CAD: variants seen among roughly 807,000 people sequenced by gnomAD.
CAD encodes carbamoyl-phosphate synthetase 2, aspartate transcarbamylase, and dihydroorotase.
CAD carries 81 observed loss-of-function variants against 237.2 expected under a neutral mutation model. That is an observed-to-expected ratio of 0.34 (90% confidence interval 0.29 to 0.41). The LOEUF (loss-of-function observed/expected upper bound fraction) is 0.41, where lower values mean the gene tolerates loss of function less well. Ranked by LOEUF, CAD falls within the 10% of genes least tolerant of loss-of-function variation. CAD has a pLI of 1.00. For missense variants in CAD, 2,181 were observed against 2,951.7 expected (o/e 0.74, Z 6.05); for synonymous variants, 1,196 against 1,162.8 (o/e 1.03, Z -0.58).
rs946717782 is a variant in CAD at position 27,236,150 on chromosome 2, G to A, written c.4075-134G>A. On this transcript the variant is annotated intron_variant, in intron 25 of 43. Coordinates refer to ENST00000264705, the MANE Select transcript of CAD (RefSeq NM_004341.5). This position sits in a 1 kb window ranked among gnomAD's most constrained non-coding sequence, Gnocchi z 4.1. ...TACACTTTGCCAGTATCAAATAGAG[G>A]CAGCCCTCAGTGCCCACCCTATGGG... The A allele has an allele frequency of 3.6e-6, 4 of 1,120,608 alleles. No individual in the cohort carries two copies. In the East Asian group the frequency reaches 7.3e-5, roughly 20 times the overall value. 69.4% of individuals were successfully genotyped at this position (1,120,608 alleles called of 1,614,324 possible). A position where few individuals can be genotyped will look rare whatever the true frequency, so the allele number is the denominator to read the frequency against.
At chr2:27,223,501 G>A (rs907700901) in intron 6 of CAD, 62 bp from the exon 7 acceptor site, 50 of 1,446,416 alleles carry the variant, frequency 3.5e-5, no homozygotes, top group Non-Finnish European at 4.6e-5. Context: ...GAGAGCTGGG[G>A]TAGGTTCAGT....
At position 27,237,813 on chromosome 2, in the gene CAD, C is replaced by T. The variant is rs759872999; in HGVS notation, c.4659C>T (p.Ala1553=). Reference sequence around the variant, plus strand: ...TGGGCACCGTGGCCGGGTCTGCAGCCGGGCTGAAGCTTTACCTCAATGAGA... The same window carrying T: ...TGGGCACCGTGGCCGGGTCTGCAGCTGGGCTGAAGCTTTACCTCAATGAGA... ...GTLGTVAGSA[A]GLKLYLNETF... The change falls in exon 29 of 44, where the codon GCC becomes GCT. Residue 1553 remains alanine (A), a synonymous_variant. Transcript: ENST00000264705. The surrounding 1 kb of genome is among the most constrained non-coding windows in gnomAD (Gnocchi z 4.0). 1.7e-5 allele frequency: 28 copies of T among 1,614,102 alleles called. No individual in the cohort carries two copies. Among genetic ancestry groups the T allele is most frequent in the South Asian group, 4.4e-5 (4 of 91,080 alleles).
Position 27,241,534 on chromosome 2 carries a change from C to A in CAD, c.5883+138C>A. ...CTTATGCTAGTCCATCCCTCTGCTG[C>A]TGTAGATCTTCCCCCACGTTTTCCC... On this transcript the variant is annotated intron_variant, in intron 38 of 43. Coordinates refer to ENST00000264705, the MANE Select transcript of CAD (RefSeq NM_004341.5). The surrounding 1 kb of genome is among the most constrained non-coding windows in gnomAD (Gnocchi z 4.6). 1.2e-6 allele frequency: 1 copy of A among 838,864 alleles called. No individual in the cohort carries two copies. Among genetic ancestry groups the A allele is most frequent in the Non-Finnish European group, 1.9e-6 (1 of 515,674 alleles). The allele number at this position is 838,864 out of a possible 1,614,324, so 52.0% of individuals were successfully genotyped here. A position where few individuals can be genotyped will look rare whatever the true frequency, so the allele number is the denominator to read the frequency against.
At position 27,239,724 on chromosome 2, in the gene CAD, G is replaced by C. The variant is rs1378731205; in HGVS notation, c.5422G>C (p.Asp1808His). The change falls in exon 34 of 44, where the codon GAT (aspartate) becomes CAT (histidine). Residue 1808 changes from aspartate (D) to histidine (H), a missense_variant. Around this residue, in one of 12 missense-constraint regions of CAD, gnomAD observed 478 missense variants for 515.0 expected, o/e 0.93. Coordinates refer to ENST00000264705, the MANE Select transcript of CAD (RefSeq NM_004341.5). The surrounding 1 kb of genome is among the most constrained non-coding windows in gnomAD (Gnocchi z 4.0). ...TCTGGTACCCCCGGGCTATGGACAGGATGTACGGAAGTGGCCACAGGGGGC... is the reference window on the plus strand; with the variant it reads ...TCTGGTACCCCCGGGCTATGGACAGCATGTACGGAAGTGGCCACAGGGGGC... ...QVLVPPGYGQ[D>H]VRKWPQGAVP... The C allele has an allele frequency of 6.3e-7, 1 of 1,594,542 alleles. No homozygotes were observed. The highest frequency in any genetic ancestry group is 1.1e-5 in the South Asian group (1 of 88,322).
chr2:27,238,652 A>G lies in CAD; in HGVS notation c.5062+20A>G, dbSNP rs1467700022. 2 of 1,594,050 alleles carry G rather than the reference A, an allele frequency of 1.3e-6. No individual in the cohort carries two copies. Among genetic ancestry groups the G allele is most frequent in the Non-Finnish European group, 1.7e-6 (2 of 1,169,014 alleles). On this transcript the variant is annotated intron_variant, in intron 31 of 43. Transcript: ENST00000264705. Reference sequence around the variant, plus strand: ...ACCATGGTGAGAGAATCCAGCATGTACCTCCTCTGCCCAGTGGGGCTTGTG... The same window carrying G: ...ACCATGGTGAGAGAATCCAGCATGTGCCTCCTCTGCCCAGTGGGGCTTGTG...
chr2:27,241,453 A>T lies in CAD; in HGVS notation c.5883+57A>T. The T allele has an allele frequency of 1.3e-6, 2 of 1,554,862 alleles. No homozygotes were observed. The highest frequency in any genetic ancestry group is 1.1e-5 in the South Asian group (1 of 89,852). ...CCATCGCCTGCCCTTGGGCCGCATC[A>T]GCGCAGGGCCGCGCAGTGGTCAGAG... On this transcript the variant is annotated intron_variant, in intron 38 of 43. Transcript: ENST00000264705. This position sits in a 1 kb window ranked among gnomAD's most constrained non-coding sequence, Gnocchi z 4.6.
chr2:27,241,927 C>T lies in CAD; in HGVS notation c.5900C>T (p.Ser1967Phe). 6.2e-7 allele frequency: 1 copy of T among 1,613,308 alleles called. No homozygotes were observed. Among genetic ancestry groups the T allele is most frequent in the Non-Finnish European group, 8.5e-7 (1 of 1,179,626 alleles). ...TTTCCCTAGGGGAAGGTCATGGCCT[C>T]CATGTTCTATGAAGTGAGCACACGG... ...LDILKGKVMA[S>F]MFYEVSTRTS... The change falls in exon 39 of 44, where the codon TCC becomes TTC. Residue 1967 changes from serine (S) to phenylalanine (F), a missense_variant. Physicochemically the swap from Ser to Phe is radical, Grantham distance 155. Around this residue, in one of 12 missense-constraint regions of CAD, gnomAD observed 203 missense variants for 284.5 expected, o/e 0.71. Transcript: ENST00000264705. This position sits in a 1 kb window ranked among gnomAD's most constrained non-coding sequence, Gnocchi z 4.6.
Position 27,217,968 on chromosome 2 carries a change from C to T in CAD, c.174C>T (p.Gly58=). ...TAGTGCTCACCTATCCTCTGATCGG[C>T]AACTATGGCATCCCCCCAGATGAAA... is the stretch of plus-strand genomic sequence containing the variant. The part of the protein sequence containing the change: ...QILVLTYPLI[G]NYGIPPDEMD... Residue 58 remains glycine (G), a synonymous_variant, in exon 2 of 44, where the codon GGC becomes GGT. Coordinates refer to ENST00000264705, the MANE Select transcript of CAD (RefSeq NM_004341.5). 1.2e-6 allele frequency: 2 copies of T among 1,612,708 alleles called. No individual in the cohort carries two copies. The highest frequency in any genetic ancestry group is 8.5e-7 in the Non-Finnish European group (1 of 1,179,200).
chr2:27,224,916 CA>C (rs777131756), intron 10 of CAD, 40 bp downstream of exon 10: 1 of 1,613,328 alleles, frequency 6.2e-7, no homozygotes, highest in Non-Finnish European at 8.5e-7. Context: ...GAGGACTGGG[CA>C]GGGGGGCCCA....
At chr2:27,234,890 A>G (rs928039142) in intron 23 of CAD, among the ~76,000 whole-genome samples, 5 of 152,194 alleles carry the variant, frequency 3.3e-5, no homozygotes, top group African/African-American at 1.2e-4. Context: ...AAGCTTTGGT[A>G]TAGAACAGTC....
Position 27,231,575 on chromosome 2 carries a change from G to A in CAD, c.2395G>A (p.Asp799Asn), listed in dbSNP as rs1442684373. The A allele has an allele frequency of 5.6e-6, 9 of 1,599,798 alleles. No individual in the cohort carries two copies. The highest frequency in any genetic ancestry group is 3.3e-5 in the Admixed American group (2 of 59,970). ...GFDHTVKPVS[D>N]MELETPTDKR... ...TGATCACACAGTGAAACCAGTCAGC[G>A]ATATGGTAAGTAGCTCCCCTCCCCT... The change falls in exon 16 of 44, where the codon GAT (aspartate) becomes AAT (asparagine). Residue 799 changes from aspartate to asparagine, a missense_variant. Around this residue, in one of 12 missense-constraint regions of CAD, gnomAD observed 385 missense variants for 535.1 expected, o/e 0.72. Transcript: ENST00000264705.
At chr2:27,219,572 T>G (rs1675053437) in intron 2 of CAD, among the ~76,000 whole-genome samples, 1 of 152,022 alleles carries the variant, frequency 6.6e-6, no homozygotes, top group Admixed American at 6.5e-5. Flanking sequence ...ATGTTATCTT[T>G]TTTTATTTAA....
chr2:27,238,371 C>G, intron 30 of CAD, 60 bp from the exon 31 acceptor site: 1 of 1,503,060 alleles, frequency 6.7e-7, no homozygotes, highest in Non-Finnish European at 9.0e-7. Flanking sequence ...GCCATTGGGA[C>G]TTTGTGTAGG....
At chr2:27,223,769 C>T in intron 7 of CAD, 21 bp downstream of exon 7, 10 of 1,611,936 alleles carry the variant, frequency 6.2e-6, no homozygotes, top group Middle Eastern at 1.7e-4. Flanking sequence ...TTGACTGGGT[C>T]TGTGAAAATT....
Position 27,222,288 on chromosome 2 carries a change from A to G in CAD, c.447A>G (p.Pro149=), listed in dbSNP as rs370344157. 12 of 1,613,670 alleles carry G rather than the reference A, an allele frequency of 7.4e-6. No individual in the cohort carries two copies. The African/African-American group carries it at 1.3e-4, about 18-fold the overall frequency. ...VQNGTEPSSL[P]FLDPNARPLV... ...ATGGAACAGAACCTTCATCCCTGCC[A>G]TTCTTGGACCCCAATGCCCGCCCCC... Residue 149 remains proline (P), a synonymous_variant, in exon 4 of 44, where the codon CCA becomes CCG. Coordinates refer to ENST00000264705, the MANE Select transcript of CAD (RefSeq NM_004341.5).
At position 27,237,987 on chromosome 2, in the gene CAD, G is replaced by A; in HGVS notation, c.4729-69G>A. ...AGTGAGGATTCAGGGGAGCTCCTGG[G>A]GACTCTGGGCTCTGATGAGCACAGT... On this transcript the variant is annotated intron_variant, in intron 29 of 43. Coordinates refer to ENST00000264705, the MANE Select transcript of CAD (RefSeq NM_004341.5). The surrounding 1 kb of genome is among the most constrained non-coding windows in gnomAD (Gnocchi z 4.0). 6.3e-7 allele frequency: 1 copy of A among 1,591,644 alleles called. No homozygotes were observed. The highest frequency in any genetic ancestry group is 8.6e-7 in the Non-Finnish European group (1 of 1,165,734).
At chr2:27,220,532 C>T (rs1254259630) in intron 2 of CAD, among the ~76,000 whole-genome samples, 3 of 151,996 alleles carry the variant, frequency 2.0e-5, no homozygotes, top group South Asian at 2.1e-4. Context: ...CACCTGTGGT[C>T]CCAACTACTC....
rs373946029 is a variant in CAD at position 27,223,869 on chromosome 2, G to A, written c.996-48G>A. ...CACTACCCACCTCGAGGCTGCCAGT[G>A]TCATGCCAGGGACCATGATGGTTTT... is the stretch of plus-strand genomic sequence containing the variant. On this transcript the variant is annotated intron_variant, in intron 7 of 43. Coordinates refer to ENST00000264705, the MANE Select transcript of CAD (RefSeq NM_004341.5). 3.9e-6 allele frequency: 6 copies of A among 1,549,928 alleles called. No homozygotes were observed. The East Asian group carries it at 9.0e-5, about 23-fold the overall frequency.
At position 27,221,467 on chromosome 2, in the gene CAD, T is replaced by C. The variant is rs961583324; in HGVS notation, c.352+120T>C. 11 of 978,764 alleles carry C rather than the reference T, an allele frequency of 1.1e-5. No individual in the cohort carries two copies. In the South Asian group the frequency reaches 1.7e-4, roughly 15 times the overall value. The allele number at this position is 978,764 out of a possible 1,614,324, so 60.6% of individuals were successfully genotyped here. The stretch of plus-strand genomic sequence containing the variant: ...GATTGTGATAGTTGGAAGGTTTAGA[T>C]TGGAGTTGGGCTGGGAGAAAGAATT... On this transcript the variant is annotated intron_variant, in intron 3 of 43. Transcript: ENST00000264705.
Sources: allele counts gnomAD v4.1 joint callset (sites outside exome capture counted in the v4.1 genomes callset), GRCh38; gene constraint gnomAD v4.1.1; regional missense constraint gnomAD v4.1.1; non-coding constraint Gnocchi (gnomAD v3.1); transcripts MANE v1.5; gene names NCBI Gene and HGNC (gene_info 2026-07-23, HGNC 2026-07-21).